The following SH2D5 variants were observed in gnomAD, a reference collection of about 807,000 sequenced individuals.
SH2D5 encodes SH2 domain containing 5, also known as SH2 domain-containing protein 5.
Under a neutral mutation model 48.2 loss-of-function variants are expected in SH2D5, and 45 were observed. The observed-to-expected ratio is 0.93, with a 90% CI of 0.73 to 1.20. The LOEUF is 1.20. SH2D5 is among the 50% of genes most tolerant of loss of function. The pLI, the probability that SH2D5 is intolerant of heterozygous loss-of-function variation, is 0.00. For synonymous variants in SH2D5, 230 were observed against 249.8 expected (o/e 0.92, Z 0.75); for missense variants, 538 against 584.1 (o/e 0.92, Z 0.81).
rs539257808 is a variant in SH2D5, at chr1:20,728,175, G to A, written c.-42-89C>T. ...GGCCATTCATTCACTGGCTTCCTGAGCAGCTGCTATGTGTGCAGCACGGCT... is the reference window on the plus strand; with the variant it reads ...GGCCATTCATTCACTGGCTTCCTGAACAGCTGCTATGTGTGCAGCACGGCT... On this transcript the variant is annotated intron_variant, in intron 1 of 9. Transcript: ENST00000444387. This position sits in a 1 kb window ranked among gnomAD's most constrained non-coding sequence, Gnocchi z 4.3. 12 of 659,022 alleles carry A rather than the reference G, an allele frequency of 1.8e-5. No homozygotes were observed. The highest frequency in any genetic ancestry group is 1.3e-4 in the African/African-American group (7 of 55,496). 40.8% of individuals were successfully genotyped at this position (659,022 alleles called of 1,614,324 possible). A position where few individuals can be genotyped will look rare whatever the true frequency, so the allele number is the denominator to read the frequency against.
chr1:20,720,076 G>A lies in SH2D5; in HGVS notation c.*1716C>T, dbSNP rs12022873. Reference sequence around the variant, plus strand: ...CTTCTTAAGTGCCCATCTCTGGGCTGTAATCCTAGACCCAGGACATGGCTA... The same window carrying A: ...CTTCTTAAGTGCCCATCTCTGGGCTATAATCCTAGACCCAGGACATGGCTA... On this transcript the variant is annotated 3_prime_UTR_variant, in exon 10 of 10. Transcript: ENST00000444387. 0.14 allele frequency: 20,782 copies of A among 152,252 alleles called. 2,583 individuals carry two copies. The highest frequency in any genetic ancestry group is 0.71 in the East Asian group (3,658 of 5,172). 9.4% of individuals were successfully genotyped at this position (152,252 alleles called of 1,614,324 possible). A position where few individuals can be genotyped will look rare whatever the true frequency, so the allele number is the denominator to read the frequency against.
Position 20,726,996 on chromosome 1 carries a change from C to T in SH2D5, c.243+5G>A. 1 of 1,609,280 alleles carries T rather than the reference C, an allele frequency of 6.2e-7. No individual in the cohort carries two copies. Among genetic ancestry groups the T allele is most frequent in the South Asian group, 1.1e-5 (1 of 89,738 alleles). ...GTCCTCACCTGCACCCACAGGGGTTCCTACCTCACCCTCCCCGCTGTAGAT... is the reference window on the plus strand; with the variant it reads ...GTCCTCACCTGCACCCACAGGGGTTTCTACCTCACCCTCCCCGCTGTAGAT... On this transcript the variant is annotated splice_donor_5th_base_variant and intron_variant, in intron 4 of 9. Coordinates refer to ENST00000444387, the MANE Select transcript of SH2D5 (RefSeq NM_001103161.2).
rs2054731645 is a variant in SH2D5, at chr1:20,723,618, C to T, written c.908+8G>A. 1.9e-6 allele frequency: 3 copies of T among 1,607,764 alleles called. No individual in the cohort carries two copies. In the East Asian group the frequency reaches 6.7e-5, roughly 36 times the overall value. Reference sequence around the variant, plus strand: ...ACTGGGCGTCAGGCCAGGCCAGGCCCTTCCTACCTGGAGATGCCAGCGAAG... The same window carrying T: ...ACTGGGCGTCAGGCCAGGCCAGGCCTTTCCTACCTGGAGATGCCAGCGAAG... On this transcript the variant is annotated splice_region_variant and intron_variant, in intron 8 of 9. Transcript: ENST00000444387.
chr1:20,731,682 A>T (rs1211542006), intron 1 of SH2D5: 5 of 146,784 alleles, frequency 3.4e-5, no homozygotes, highest in African/African-American at 7.7e-5. Flanking sequence ...GCGACACGGG[A>T]GCGGGAAGCG....
At chr1:20,722,040 T>C (rs754605806) in intron 9 of SH2D5, 45 bp from the exon 10 acceptor site, 13 of 1,572,288 alleles carry the variant, frequency 8.3e-6, no homozygotes, top group Admixed American at 1.8e-5. Flanking sequence ...TCCCCAGGGC[T>C]CACGCCAGGC....
In SH2D5 at chr1:20,727,007, C is replaced by T. The variant is rs575796645; in HGVS notation, c.237G>A (p.Glu79=). 5 of 1,610,834 alleles carry T rather than the reference C, an allele frequency of 3.1e-6. No homozygotes were observed. The highest frequency in any genetic ancestry group is 4.2e-6 in the Non-Finnish European group (5 of 1,178,494). ...CACCCACAGGGGTTCCTACCTCACCCTCCCCGCTGTAGATCTTGAGACCCT... is the reference window on the plus strand; with the variant it reads ...CACCCACAGGGGTTCCTACCTCACCTTCCCCGCTGTAGATCTTGAGACCCT... ...SLQGLKIYSG[E]GEVLLMAHAL... The change falls in exon 4 of 10, where the codon GAG becomes GAA. Residue 79 remains glutamate, a synonymous_variant. Transcript: ENST00000444387.
At position 20,729,771 on chromosome 1, in the gene SH2D5, C is replaced by T. The variant is rs1208032203; in HGVS notation, c.-42-1685G>A. Among the ~76,000 whole-genome samples the T allele has an allele frequency of 6.6e-6, 1 of 152,228 alleles. No homozygotes were observed. The highest frequency in any genetic ancestry group is 1.9e-4 in the East Asian group (1 of 5,188). On this transcript the variant is annotated intron_variant, in intron 1 of 9. Coordinates refer to ENST00000444387, the MANE Select transcript of SH2D5 (RefSeq NM_001103161.2). This position sits in a 1 kb window ranked among gnomAD's most constrained non-coding sequence, Gnocchi z 4.2. ...GACCCTGTCTCTGCCTGCCCATGAC[C>T]TTTAACCTCAGGCTCAGGCCAGGGT...
At position 20,729,231 on chromosome 1, in the gene SH2D5, T is replaced by C. The variant is rs1340581188; in HGVS notation, c.-42-1145A>G. Among the ~76,000 whole-genome samples, 3 of 152,146 alleles carry C rather than the reference T, an allele frequency of 2.0e-5. No individual in the cohort carries two copies. The highest frequency in any genetic ancestry group is 4.4e-5 in the Non-Finnish European group (3 of 68,016). ...CCCCATGATTCCAAGAAAGAATGGC[T>C]AAATGCCTCTGGCGAGGTCCCCCAG... On this transcript the variant is annotated intron_variant, in intron 1 of 9. Transcript: ENST00000444387. This position sits in a 1 kb window ranked among gnomAD's most constrained non-coding sequence, Gnocchi z 4.2.
In SH2D5 at chr1:20,721,850, CG is replaced by C; in HGVS notation, c.1213del (p.Arg405GlyfsTer22). The C allele has an allele frequency of 6.2e-7, 1 of 1,611,562 alleles. No individual in the cohort carries two copies. On this transcript the variant is annotated frameshift_variant, in exon 10 of 10. Transcript: ENST00000444387. LOFTEE classifies it high-confidence loss of function. ...QDCGPPGRPP[R>X]TLRPLSHAKS... ...GGCATGGCTGAGGGGCCGGAGAGTC[CG>C]GGGCGGCCTGCCTGGGGGCCCACAG... is the stretch of plus-strand genomic sequence containing the variant.
chr1:20,722,718 C>G, intron 9 of SH2D5, 38 bp downstream of exon 9: 2 of 1,411,332 alleles, frequency 1.4e-6, no homozygotes, highest in East Asian at 2.8e-5. Flanking sequence ...GCCAATGATG[C>G]GGCAGGGCCC....
chr1:20,730,580 C>A (rs905473988), intron 1 of SH2D5, among the ~76,000 whole-genome samples: 3 of 151,970 alleles, frequency 2.0e-5, no homozygotes, highest in African/African-American at 7.3e-5. Context: ...CTGGAAGTTC[C>A]TCCCTCCTTC....
intron 8 of SH2D5, 44 bp from the exon 9 acceptor site, chr1:20,722,959 T>C: frequency 6.8e-7 from 1 of 1,463,518 alleles, no homozygotes; most frequent in Non-Finnish European, 9.1e-7. Flanking sequence ...ACTGCTCTCC[T>C]GGGCAATGGT....
At position 20,721,454 on chromosome 1, in the gene SH2D5, G is replaced by T; in HGVS notation, c.*338C>A. The T allele has an allele frequency of 3.6e-6, 1 of 279,128 alleles. No individual in the cohort carries two copies. Among genetic ancestry groups the T allele is most frequent in the Non-Finnish European group, 6.7e-6 (1 of 149,782 alleles). The allele number at this position is 279,128 out of a possible 1,614,324, so 17.3% of individuals were successfully genotyped here. Reference sequence around the variant, plus strand: ...TAGGAGAGGGCTGCAGCTTTGCCGTGAACAAGCTCCTGCCCCAGGAGTAAA... The same window carrying T: ...TAGGAGAGGGCTGCAGCTTTGCCGTTAACAAGCTCCTGCCCCAGGAGTAAA... On this transcript the variant is annotated 3_prime_UTR_variant, in exon 10 of 10. Transcript: ENST00000444387.
chr1:20,724,137 C>T lies in SH2D5; in HGVS notation c.745G>A (p.Ala249Thr), dbSNP rs1570504195. 6.2e-7 allele frequency: 1 copy of T among 1,613,048 alleles called. No individual in the cohort carries two copies. The highest frequency in any genetic ancestry group is 2.2e-5 in the East Asian group (1 of 44,868). Residue 249 changes from alanine to threonine, a missense_variant, in exon 7 of 10, where the codon GCC (alanine) becomes ACC (threonine). Ala to Thr is a moderately conservative substitution (Grantham distance 58). Coordinates refer to ENST00000444387, the MANE Select transcript of SH2D5 (RefSeq NM_001103161.2). ...AIRSKVIRSG[A>T]YRGCTYETQL... ...GTCTCATAGGTGCAGCCGCGGTAGG[C>T]CCCCGAGCGGATCACCTTGCTGCGA... is the stretch of plus-strand genomic sequence containing the variant.
At chr1:20,731,138 T>C (rs927030337) in intron 1 of SH2D5, 1 of 152,332 alleles carries the variant, frequency 6.6e-6, no homozygotes, top group Non-Finnish European at 1.5e-5. Flanking sequence ...GTGTCCACTC[T>C]TGGAGTTTGG....
In SH2D5 at chr1:20,720,353, G is replaced by A. The variant is rs2054662790; in HGVS notation, c.*1439C>T. 6.6e-6 allele frequency: 1 copy of A among 152,264 alleles called. No homozygotes were observed. The highest frequency in any genetic ancestry group is 6.5e-5 in the Admixed American group (1 of 15,288). The allele number at this position is 152,264 out of a possible 1,614,324, so 9.4% of individuals were successfully genotyped here. On this transcript the variant is annotated 3_prime_UTR_variant, in exon 10 of 10. Transcript: ENST00000444387. ...AGGCCAAGCCCCTCTCCTCACGGGA[G>A]GGTTGGAGGTGGGGAACACGAGGCC...
At chr1:20,723,004 G>C (rs1421941386) in intron 8 of SH2D5, 89 bp from the exon 9 acceptor site, 1 of 1,285,228 alleles carries the variant, frequency 7.8e-7, no homozygotes, top group Non-Finnish European at 1.0e-6. Flanking sequence ...GCAGCCTGCG[G>C]ATTAAATGCC....
Position 20,720,517 on chromosome 1 carries a change from G to A in SH2D5, c.*1275C>T, listed in dbSNP as rs993942069. The A allele has an allele frequency of 3.3e-5, 5 of 152,292 alleles. No homozygotes were observed. The highest frequency in any genetic ancestry group is 4.8e-5 in the African/African-American group (2 of 41,476). The allele number at this position is 152,292 out of a possible 1,614,324, so 9.4% of individuals were successfully genotyped here. ...GAACAGTTCTGTCCCACTCCCAGAC[G>A]GGGAGAGGGCAGCCCCCAGGCTCAT... is the stretch of plus-strand genomic sequence containing the variant. On this transcript the variant is annotated 3_prime_UTR_variant, in exon 10 of 10. Coordinates refer to ENST00000444387, the MANE Select transcript of SH2D5 (RefSeq NM_001103161.2).
chr1:20,727,992 G>A lies in SH2D5; in HGVS notation c.53C>T (p.Pro18Leu). ...GRRASDCGLA[P>L]HRPRCITKFA... The stretch of plus-strand genomic sequence containing the variant: ...CTTGGTGATGCACCTGGGCCGGTGA[G>A]GGGCCAGCCCGCAGTCAGAGGCCCT... Residue 18 changes from proline to leucine, a missense_variant, in exon 2 of 10, where the codon CCT becomes CTT. Pro to Leu is a moderately conservative substitution (Grantham distance 98). Coordinates refer to ENST00000444387, the MANE Select transcript of SH2D5 (RefSeq NM_001103161.2). 6.4e-7 allele frequency: 1 copy of A among 1,571,482 alleles called. No individual in the cohort carries two copies. Among genetic ancestry groups the A allele is most frequent in the African/African-American group, 1.3e-5 (1 of 74,112 alleles).
Sources: allele counts gnomAD v4.1 joint callset (sites outside exome capture counted in the v4.1 genomes callset), GRCh38; gene constraint gnomAD v4.1.1; non-coding constraint Gnocchi (gnomAD v3.1); transcripts MANE v1.5; gene names NCBI Gene and HGNC (gene_info 2026-07-23, HGNC 2026-07-21).